GRB10: variants seen among roughly 807,000 people sequenced by gnomAD.
The protein encoded by GRB10 is growth factor receptor-bound protein 10.
A neutral mutation model predicts 80.9 loss-of-function variants in GRB10; 20 were observed. That is an observed-to-expected ratio of 0.25 (90% confidence interval 0.17 to 0.36). The LOEUF is 0.36. Ranked by LOEUF, GRB10 falls within the 10% of genes least tolerant of loss-of-function variation. The pLI is 1.00. For synonymous variants in GRB10, 291 were observed against 291.5 expected (o/e 1.00, Z 0.02); for missense variants, 548 against 747.7 (o/e 0.73, Z 3.12).
At chr7:50,635,962 CTTTTTTTTTTTTT>C (rs56411780) in intron 7 of GRB10, among the ~76,000 whole-genome samples, 2 of 71,012 alleles carry the variant, frequency 2.8e-5, no homozygotes, top group Admixed American at 4.8e-4. Context: ...TTTTCCTTTC[CTTTTTTTTTTTTT>C]TTTTTTTTTT....
chr7:50,648,895 C>A (rs1266547517), intron 7 of GRB10, among the ~76,000 whole-genome samples: 1 of 152,194 alleles, frequency 6.6e-6, no homozygotes, highest in Non-Finnish European at 1.5e-5. Flanking sequence ...GGCCTCAGAC[C>A]TACTCAATGT....
intron 5 of GRB10, among the ~76,000 whole-genome samples, chr7:50,691,320 G>A (rs1009505231): frequency 6.6e-6 from 1 of 152,174 alleles, no homozygotes; most frequent in Non-Finnish European, 1.5e-5. Context: ...GAAATGCTTA[G>A]AGGCCAGAGC....
intron 2 of GRB10, among the ~76,000 whole-genome samples, chr7:50,768,477 C>T (rs1489763227): frequency 1.3e-5 from 2 of 152,164 alleles, no homozygotes; most frequent in African/African-American, 4.8e-5. Flanking sequence ...TTATAATCAC[C>T]TCTATGTTTC....
rs772890514 is a variant in GRB10 at position 50,669,775 on chromosome 7, G to C, written c.451C>G (p.Pro151Ala). Reference sequence around the variant, plus strand: ...AAAGAACCCGGCGTGAGCACAGGGGGGCTCCCAGGGCCACAGAGTTCAGGA... The same window carrying C: ...AAAGAACCCGGCGTGAGCACAGGGGCGCTCCCAGGGCCACAGAGTTCAGGA... The part of the protein sequence containing the change: ...PFPELCGPGS[P>A]PVLTPGSLPP... Residue 151 changes from proline (P) to alanine (A), a missense_variant, in exon 7 of 19, where the codon CCC becomes GCC. This residue lies in a region of GRB10 where 245 missense variants were observed against 229.3 expected (regional missense o/e 1.07). Coordinates refer to ENST00000401949, the MANE Select transcript of GRB10 (RefSeq NM_001350814.2). The C allele has an allele frequency of 8.1e-6, 13 of 1,613,964 alleles. No individual in the cohort carries two copies. Among genetic ancestry groups the C allele is most frequent in the Admixed American group, 3.3e-5 (2 of 60,030 alleles).
At chr7:50,705,681 T>C (rs958583114) in intron 4 of GRB10, among the ~76,000 whole-genome samples, 1 of 152,240 alleles carries the variant, frequency 6.6e-6, no homozygotes, top group Admixed American at 6.5e-5. Context: ...AATATCGTTT[T>C]TGAAATTTTT....
chr7:50,630,656 C>T (rs1262018764), intron 7 of GRB10, among the ~76,000 whole-genome samples: 1 of 152,218 alleles, frequency 6.6e-6, no homozygotes, highest in Non-Finnish European at 1.5e-5. Flanking sequence ...AGCCACCCCT[C>T]AAATCCTCAA....
chr7:50,725,930 A>T (rs538867683), intron 4 of GRB10: 58 of 152,384 alleles, frequency 3.8e-4, no homozygotes, highest in African/African-American at 1.3e-3. Flanking sequence ...TGGAATGGTT[A>T]AGGACATAGG....
In GRB10 at chr7:50,643,580, G is replaced by A. The variant is rs182654746; in HGVS notation, c.505-16602C>T. Among the ~76,000 whole-genome samples, 35 of 152,288 alleles carry A rather than the reference G, an allele frequency of 2.3e-4. No homozygotes were observed. In the East Asian group the frequency reaches 3.1e-3, roughly 13 times the overall value. ...TATGAACAATCGGGGAAACCTGAAC[G>A]AGGTCTGTAGATTTCAACCCTGCAT... On this transcript the variant is annotated intron_variant, in intron 7 of 18. Coordinates refer to ENST00000401949, the MANE Select transcript of GRB10 (RefSeq NM_001350814.2).
At chr7:50,661,712 C>T (rs376474885) in intron 7 of GRB10, among the ~76,000 whole-genome samples, 35 of 152,344 alleles carry the variant, frequency 2.3e-4, no homozygotes, top group African/African-American at 6.7e-4. Context: ...GCATCACACA[C>T]CACAACCAAC....
intron 5 of GRB10, among the ~76,000 whole-genome samples, chr7:50,689,313 T>C (rs981458048): frequency 6.6e-6 from 1 of 152,250 alleles, no homozygotes; most frequent in African/African-American, 2.4e-5. Flanking sequence ...CTGCTGCAAT[T>C]ATTTTTCAGT....
intron 3 of GRB10, among the ~76,000 whole-genome samples, chr7:50,742,271 G>GCGCACACACACACACA (rs1189043181): frequency 2.1e-5 from 1 of 46,866 alleles, no homozygotes; most frequent in Non-Finnish European, 5.1e-5. Flanking sequence ...ACGCGCGCGC[G>GCGCACACACACACACA]CACACACACA....
At chr7:50,695,325 G>A (rs569832422) in intron 5 of GRB10, among the ~76,000 whole-genome samples, 2 of 152,252 alleles carry the variant, frequency 1.3e-5, no homozygotes, top group African/African-American at 4.8e-5. Context: ...CCTATCTCTT[G>A]ACAACTGCAA....
At chr7:50,707,900 TTTTAAGTGC>T (rs2065270044) in intron 4 of GRB10, among the ~76,000 whole-genome samples, 1 of 152,230 alleles carries the variant, frequency 6.6e-6, no homozygotes, top group Non-Finnish European at 1.5e-5. Context: ...AGACCTCCTC[TTTTAAGTGC>T]CAACCAGGCT....
chr7:50,670,672 A>T (rs972083571), intron 6 of GRB10, among the ~76,000 whole-genome samples: 1 of 152,158 alleles, frequency 6.6e-6, no homozygotes, highest in Non-Finnish European at 1.5e-5. Context: ...TCTGAATATG[A>T]GCATTTTCAT....
At chr7:50,726,250 T>C (rs1020936238) in intron 4 of GRB10, among the ~76,000 whole-genome samples, 1 of 151,912 alleles carries the variant, frequency 6.6e-6, no homozygotes, top group African/African-American at 2.4e-5. Context: ...ATACAAAAAT[T>C]AGCCAGGTGT....
intron 5 of GRB10, among the ~76,000 whole-genome samples, chr7:50,682,333 C>A (rs1009381864): frequency 1.3e-5 from 2 of 152,222 alleles, no homozygotes; most frequent in African/African-American, 4.8e-5. Context: ...CTAGGCTCTG[C>A]TCATTTTGGC....
intron 5 of GRB10, among the ~76,000 whole-genome samples, chr7:50,700,157 G>T (rs2063974721): frequency 6.6e-6 from 1 of 151,844 alleles, no homozygotes; most frequent in African/African-American, 2.4e-5. Flanking sequence ...AAGAGAAATT[G>T]TTTCTTTCTT....
chr7:50,628,908 A>T (rs1218690803), intron 7 of GRB10, among the ~76,000 whole-genome samples: 1 of 152,242 alleles, frequency 6.6e-6, no homozygotes, highest in Non-Finnish European at 1.5e-5. Context: ...AAGTCTACAG[A>T]AATACAATTT....
chr7:50,713,871 C>T (rs1308166575), intron 4 of GRB10, among the ~76,000 whole-genome samples: 1 of 152,072 alleles, frequency 6.6e-6, no homozygotes, highest in Non-Finnish European at 1.5e-5. Context: ...CCACCCTCAC[C>T]TCTAGCTCCT....
Sources: allele counts gnomAD v4.1 joint callset (sites outside exome capture counted in the v4.1 genomes callset), GRCh38; gene constraint gnomAD v4.1.1; regional missense constraint gnomAD v4.1.1; transcripts MANE v1.5; gene names NCBI Gene and HGNC (gene_info 2026-07-23, HGNC 2026-07-21).